ZNF638: variants seen among roughly 807,000 people sequenced by gnomAD.
ZNF638 encodes CTCL tumor antigen se33-1.
ZNF638 carries 46 observed loss-of-function variants against 195.6 expected under a neutral mutation model. The ratio of observed to expected loss-of-function variants is 0.24; its 90% CI spans 0.19 to 0.30. The LOEUF is 0.30. Among genes scored for constraint, ZNF638 ranks in the 10% least tolerant of loss-of-function variants. The probability of loss-of-function intolerance (pLI) is 1.00; values close to 1 mark genes in which losing one functional copy is unlikely to be tolerated. For missense variants in ZNF638, 2,440 were observed against 2,325.3 expected (o/e 1.05, Z -1.01); for synonymous variants, 845 against 772.0 (o/e 1.09, Z -1.57).
Position 71,417,674 on chromosome 2 carries a change from CT to C in ZNF638, c.3262-927del, listed in dbSNP as rs1288181945. 3.9e-5 allele frequency among the ~76,000 whole-genome samples: 5 copies of C among 129,732 alleles called. No homozygotes were observed. The East Asian group carries it at 1.1e-3, about 29-fold the overall frequency. The allele number at this position is 129,732 out of a possible 152,430, so 85.1% of individuals were successfully genotyped here. On this transcript the variant is annotated intron_variant, in intron 20 of 27. Transcript: ENST00000264447. ...TACCATGCAGGGTTTTTTTTTTTTT[CT>C]CTCTAATAAACTTTTCTCCTTAATG...
chr2:71,391,549 G>A (rs1290114976), intron 10 of ZNF638, among the ~76,000 whole-genome samples: 1 of 152,142 alleles, frequency 6.6e-6, no homozygotes, highest in African/African-American at 2.4e-5. Flanking sequence ...GAGTTTATAT[G>A]CCTCTGTCGT....
chr2:71,346,773 A>C (rs2078857039), intron 1 of ZNF638, among the ~76,000 whole-genome samples: 1 of 152,144 alleles, frequency 6.6e-6, no homozygotes, highest in Non-Finnish European at 1.5e-5. Flanking sequence ...ATACCCCAGC[A>C]CTTTGGGAGG....
rs146067420 is a variant in ZNF638, at chr2:71,397,787, C to G, written c.2429-914C>G. On this transcript the variant is annotated intron_variant, in intron 11 of 27. Coordinates refer to ENST00000264447, the MANE Select transcript of ZNF638 (RefSeq NM_014497.5). The stretch of plus-strand genomic sequence containing the variant: ...CTCTGATGATCTTCTGCAACACTTT[C>G]ATGATCACATCTTTATAAACAGTAT... Among the ~76,000 whole-genome samples the G allele has an allele frequency of 5.1e-3, 782 of 152,288 alleles. 9 individuals are homozygous for G. Among genetic ancestry groups the G allele is most frequent in the African/African-American group, 0.018 (750 of 41,552 alleles).
intron 3 of ZNF638, among the ~76,000 whole-genome samples, chr2:71,360,389 A>T (rs1055616120): frequency 6.6e-6 from 1 of 152,220 alleles, no homozygotes; most frequent in African/African-American, 2.4e-5. Context: ...GAAATTAACA[A>T]TAATTCCACA....
rs1460606055 is a variant in ZNF638, at chr2:71,398,768, A to G, written c.2496A>G (p.Lys832=). The part of the protein sequence containing the change: ...VAVKGNKASI[K]TAKSGGKKSL... ...TTAAAGGTAATAAAGCTTCAATCAAAACAGGTAAGACTATTGGGGAGGAGA... is the reference window on the plus strand; with the variant it reads ...TTAAAGGTAATAAAGCTTCAATCAAGACAGGTAAGACTATTGGGGAGGAGA... Residue 832 remains lysine, a synonymous_variant, in exon 12 of 28, where the codon AAA becomes AAG. Transcript: ENST00000264447. The G allele has an allele frequency of 6.2e-7, 1 of 1,611,594 alleles. No homozygotes were observed. The highest frequency in any genetic ancestry group is 2.2e-5 in the East Asian group (1 of 44,766).
intron 1 of ZNF638, among the ~76,000 whole-genome samples, chr2:71,342,474 TC>T (rs777010459): frequency 5.3e-5 from 8 of 152,160 alleles, no homozygotes; most frequent in Non-Finnish European, 1.2e-4. Context: ...ATTATTTTAC[TC>T]ATTAAGCACT....
At chr2:71,377,851 G>T (rs2079461071) in intron 8 of ZNF638, among the ~76,000 whole-genome samples, 1 of 152,186 alleles carries the variant, frequency 6.6e-6, no homozygotes, top group Non-Finnish European at 1.5e-5. Context: ...GCAGAAAACA[G>T]TTTAACTATA....
chr2:71,369,985 C>A lies in ZNF638; in HGVS notation c.2245C>A (p.Pro749Thr). ...IKGKSVKICV[P>T]GKKKAQNKEV... ...AGGAAAAAGTGTGAAAATATGTGTTCCAGGAAAGAAAAAAGCACAGGTAAT... is the reference window on the plus strand; with the variant it reads ...AGGAAAAAGTGTGAAAATATGTGTTACAGGAAAGAAAAAAGCACAGGTAAT... Residue 749 changes from proline to threonine, a missense_variant, in exon 8 of 28, where the codon CCA becomes ACA. Physicochemically the swap from Pro to Thr is conservative, Grantham distance 38 (BLOSUM62 -1). Around this residue, in one of 5 missense-constraint regions of ZNF638, gnomAD observed 1,883 missense variants for 1,739.1 expected, o/e 1.08. Transcript: ENST00000264447. The A allele has an allele frequency of 1.3e-6, 2 of 1,592,002 alleles. No homozygotes were observed. Among genetic ancestry groups the A allele is most frequent in the South Asian group, 1.2e-5 (1 of 85,470 alleles).
chr2:71,356,889 T>C (rs923693232), intron 3 of ZNF638, among the ~76,000 whole-genome samples: 2 of 152,280 alleles, frequency 1.3e-5, no homozygotes, highest in African/African-American at 4.8e-5. Context: ...AGCAGCTGTA[T>C]TGGATGCTCA....
Position 71,355,755 on chromosome 2 carries a change from G to A in ZNF638, c.1354G>A (p.Glu452Lys). The A allele has an allele frequency of 4.4e-6, 7 of 1,596,988 alleles. No individual in the cohort carries two copies. The highest frequency in any genetic ancestry group is 6.0e-6 in the Non-Finnish European group (7 of 1,171,970). ...IQHQNTSTHIESCRQLRQQYP... is the reference protein window; with the variant it reads ...IQHQNTSTHIKSCRQLRQQYP... Reference sequence around the variant, plus strand: ...GCATCAAAATACATCTACTCATATTGAGAGCTGTCGACAGTTACGTCAACA... The same window carrying A: ...GCATCAAAATACATCTACTCATATTAAGAGCTGTCGACAGTTACGTCAACA... The change falls in exon 3 of 28, where the codon GAG becomes AAG. Residue 452 changes from glutamate (E) to lysine (K), a missense_variant. Glu to Lys is a moderately conservative substitution (Grantham distance 56, BLOSUM62 1). Around this residue, in one of 5 missense-constraint regions of ZNF638, gnomAD observed 37 missense variants for 75.7 expected, o/e 0.49. Coordinates refer to ENST00000264447, the MANE Select transcript of ZNF638 (RefSeq NM_014497.5).
At chr2:71,377,578 T>C (rs561505065) in intron 8 of ZNF638, among the ~76,000 whole-genome samples, 21 of 152,220 alleles carry the variant, frequency 1.4e-4, no homozygotes, top group Non-Finnish European at 5.9e-5. Flanking sequence ...TCTGAAACTA[T>C]TTCTTATTAG....
intron 3 of ZNF638, among the ~76,000 whole-genome samples, chr2:71,357,479 C>T (rs911372919): frequency 6.6e-6 from 1 of 152,108 alleles, no homozygotes; most frequent in African/African-American, 2.4e-5. Context: ...GAAAATCTCT[C>T]CTAAGCAACA....
At chr2:71,384,002 A>G (rs866326361) in intron 10 of ZNF638, among the ~76,000 whole-genome samples, 3 of 151,712 alleles carry the variant, frequency 2.0e-5, no homozygotes, top group Non-Finnish European at 4.4e-5. Context: ...ATTTTCTTAT[A>G]TTATTTAACA....
chr2:71,392,119 G>C (rs1210386309), intron 10 of ZNF638, among the ~76,000 whole-genome samples: 1 of 152,222 alleles, frequency 6.6e-6, no homozygotes, highest in East Asian at 1.9e-4. Flanking sequence ...GAATTTTCTT[G>C]AGTAGAAATT....
chr2:71,428,402 T>A (rs1395746060), intron 24 of ZNF638, 145 bp from the exon 25 acceptor site: 5 of 539,244 alleles, frequency 9.3e-6, no homozygotes, highest in Non-Finnish European at 1.7e-5. Flanking sequence ...AATTCTTCTA[T>A]TTTATATTAG....
At chr2:71,392,293 C>T (rs1223742044) in intron 10 of ZNF638, among the ~76,000 whole-genome samples, 2 of 152,148 alleles carry the variant, frequency 1.3e-5, no homozygotes, top group Admixed American at 6.5e-5. Flanking sequence ...AAAGCTTTAA[C>T]GCTTTTTACT....
chr2:71,388,483 CTG>C, intron 10 of ZNF638: 1 of 696,182 alleles, frequency 1.4e-6, no homozygotes, highest in Admixed American at 2.0e-5. Context: ...GTCATTAAAT[CTG>C]TACTAAATAA....
intron 10 of ZNF638, chr2:71,395,602 TG>T: frequency 3.5e-6 from 2 of 574,222 alleles, no homozygotes; most frequent in Non-Finnish European, 3.2e-6. Context: ...CCCAAGGCGG[TG>T]GGGGTGACAA....
At chr2:71,395,407 C>G in intron 10 of ZNF638, 1 of 660,558 alleles carries the variant, frequency 1.5e-6, no homozygotes, top group Non-Finnish European at 2.8e-6. Context: ...GAGACGCAAA[C>G]CTTCTTGGAA....
Sources: gnomAD v4.1 joint callset for allele counts (sites outside exome capture counted in the v4.1 genomes callset) on GRCh38, gnomAD v4.1.1 for gene constraint, gnomAD v4.1.1 regional missense constraint, MANE v1.5 for transcripts, NCBI Gene and HGNC (gene_info 2026-07-23, HGNC 2026-07-21) for gene names.